HPSE2: variants seen among roughly 807,000 people sequenced by gnomAD.
The protein encoded by HPSE2 is heparanase 2 (inactive).
Under a neutral mutation model 60.5 loss-of-function variants are expected in HPSE2, and 38 were observed. The observed-to-expected ratio is 0.63, with a 90% CI of 0.48 to 0.82. The LOEUF (loss-of-function observed/expected upper bound fraction) is 0.82, where lower values mean the gene tolerates loss of function less well. Ranked by LOEUF, HPSE2 falls within the 40% of genes least tolerant of loss-of-function variation. The pLI is 0.00. For synonymous variants in HPSE2, 295 were observed against 293.2 expected (o/e 1.01, Z -0.06); for missense variants, 713 against 740.4 (o/e 0.96, Z 0.43).
chr10:99,212,942 G>T (rs1186208945), intron 2 of HPSE2, among the ~76,000 whole-genome samples: 1 of 152,160 alleles, frequency 6.6e-6, no homozygotes, highest in African/African-American at 2.4e-5. Context: ...GAGGGTAGGT[G>T]CTCAAGAAAT....
At chr10:99,010,226 T>C (rs1956981211) in intron 3 of HPSE2, among the ~76,000 whole-genome samples, 1 of 152,230 alleles carries the variant, frequency 6.6e-6, no homozygotes, top group Non-Finnish European at 1.5e-5. Context: ...ATTAAATGTG[T>C]TTATTTTCTA....
intron 3 of HPSE2, among the ~76,000 whole-genome samples, chr10:98,789,334 A>T (rs915801682): frequency 1.3e-5 from 2 of 152,236 alleles, no homozygotes; most frequent in African/African-American, 4.8e-5. Context: ...GTCGTAGTTG[A>T]AATCATAAGA....
intron 9 of HPSE2, among the ~76,000 whole-genome samples, chr10:98,613,858 G>C (rs959693651): frequency 6.6e-6 from 1 of 152,164 alleles, no homozygotes; most frequent in Non-Finnish European, 1.5e-5. Flanking sequence ...CTGATCTTTT[G>C]TCATGACCAT....
Position 99,136,479 on chromosome 10 carries a change from C to T in HPSE2, c.610+7759G>A, listed in dbSNP as rs911399774. ...CCAATATCCCTGATGAACATCGATG[C>T]GAAAATCCTCAATAAAATACTGGCA... On this transcript the variant is annotated intron_variant, in intron 3 of 11. Transcript: ENST00000370552. 2.6e-5 allele frequency among the ~76,000 whole-genome samples: 4 copies of T among 152,176 alleles called. No homozygotes were observed. In the East Asian group the frequency reaches 5.8e-4, roughly 22 times the overall value.
intron 2 of HPSE2, among the ~76,000 whole-genome samples, chr10:99,210,967 G>C (rs1160489066): frequency 6.6e-6 from 1 of 152,124 alleles, no homozygotes; most frequent in East Asian, 1.9e-4. Flanking sequence ...TGGAAAGGAA[G>C]AAGTTAGACT....
At chr10:98,628,475 T>C (rs1226265063) in intron 7 of HPSE2, among the ~76,000 whole-genome samples, 2 of 152,168 alleles carry the variant, frequency 1.3e-5, no homozygotes, top group Admixed American at 1.3e-4. Context: ...AAGGGTACAG[T>C]TCCTGGTGAG....
chr10:98,512,812 A>AACAC (rs71007394), intron 9 of HPSE2, among the ~76,000 whole-genome samples: 8,074 of 124,538 alleles, frequency 0.065, 410 homozygotes, highest in African/African-American at 0.12. Flanking sequence ...CCCACCCCCC[A>AACAC]ACACACACAC....
At chr10:98,488,542 A>G (rs1941523574) in intron 10 of HPSE2, among the ~76,000 whole-genome samples, 1 of 152,222 alleles carries the variant, frequency 6.6e-6, no homozygotes, top group African/African-American at 2.4e-5. Flanking sequence ...AGGAGACGCA[A>G]ATCCTGCTAA....
chr10:98,559,216 T>C (rs764428588), intron 9 of HPSE2, among the ~76,000 whole-genome samples: 17 of 152,092 alleles, frequency 1.1e-4, no homozygotes, highest in Non-Finnish European at 2.1e-4. Context: ...TTAGTAGAGA[T>C]GGGGTTTCAC....
At chr10:98,686,076 A>G (rs984638626) in intron 6 of HPSE2, among the ~76,000 whole-genome samples, 7 of 151,918 alleles carry the variant, frequency 4.6e-5, no homozygotes, top group African/African-American at 1.7e-4. Context: ...AGGGTTTTTC[A>G]CATTTGTTAA....
intron 3 of HPSE2, among the ~76,000 whole-genome samples, chr10:98,820,403 A>C (rs1951398070): frequency 6.6e-6 from 1 of 152,182 alleles, no homozygotes; most frequent in Non-Finnish European, 1.5e-5. Flanking sequence ...TGACAGACTT[A>C]ATGGTATTTA....
At chr10:99,307,101 G>C in the HPSE2 span, among the ~76,000 whole-genome samples, 14 of 152,112 alleles carry the variant, frequency 9.2e-5, no homozygotes, top group African/African-American at 3.1e-4. Flanking sequence ...TGAACTCTTT[G>C]AGCTATGCTG....
intron 2 of HPSE2, among the ~76,000 whole-genome samples, chr10:99,165,483 TGCATACAG>T (rs1847039374): frequency 6.6e-6 from 1 of 152,158 alleles, no homozygotes; most frequent in Non-Finnish European, 1.5e-5. Context: ...CACTATTTGT[TGCATACAG>T]TCCTGTGGGT....
intron 3 of HPSE2, among the ~76,000 whole-genome samples, chr10:98,888,005 G>A (rs1174207071): frequency 1.3e-5 from 2 of 151,764 alleles, no homozygotes; most frequent in Admixed American, 6.6e-5. Context: ...GCACAATAAT[G>A]TGACTATAGT....
At chr10:99,265,989 C>A in the HPSE2 span, among the ~76,000 whole-genome samples, 56 of 152,296 alleles carry the variant, frequency 3.7e-4, no homozygotes, top group African/African-American at 1.3e-3. Context: ...CTCTCTCAGT[C>A]CCCAGAGAAG....
At chr10:98,520,455 G>A (rs767372700) in intron 9 of HPSE2, among the ~76,000 whole-genome samples, 7 of 152,082 alleles carry the variant, frequency 4.6e-5, no homozygotes, top group Non-Finnish European at 1.0e-4. Flanking sequence ...CACATTTCAC[G>A]TTTTTAAGCG....
intron 3 of HPSE2, among the ~76,000 whole-genome samples, chr10:99,108,613 A>G (rs779898626): frequency 1.3e-5 from 2 of 152,178 alleles, no homozygotes; most frequent in Non-Finnish European, 2.9e-5. Flanking sequence ...CTATAACGAG[A>G]CCATATTAGC....
intron 9 of HPSE2, among the ~76,000 whole-genome samples, chr10:98,513,152 G>T (rs1349511094): frequency 6.6e-6 from 1 of 152,178 alleles, no homozygotes; most frequent in African/African-American, 2.4e-5. Flanking sequence ...TCAATAAACG[G>T]TTGTAACTAT....
intron 3 of HPSE2, among the ~76,000 whole-genome samples, chr10:99,014,975 G>A (rs1407640890): frequency 4.6e-5 from 7 of 151,946 alleles, no homozygotes; most frequent in Non-Finnish European, 8.8e-5. Flanking sequence ...AAATTTACAA[G>A]AAAAAAACAA....
Sources: allele counts gnomAD v4.1 joint callset (sites outside exome capture counted in the v4.1 genomes callset), GRCh38; gene constraint gnomAD v4.1.1; transcripts MANE v1.5; gene names NCBI Gene and HGNC (gene_info 2026-07-23, HGNC 2026-07-21).